Variants in KIFAP3 observed in about 807,000 individuals in gnomAD.
KIFAP3 encodes the protein kinesin associated protein 3.
A neutral mutation model predicts 106.5 loss-of-function variants in KIFAP3; 68 were observed. The observed-to-expected ratio is 0.64, with a 90% confidence interval of 0.53 to 0.78. KIFAP3 has a LOEUF of 0.78. Among genes scored for constraint, KIFAP3 ranks in the 30% least tolerant of loss-of-function variants. The pLI, the probability that KIFAP3 is intolerant of heterozygous loss-of-function variation, is 0.00. For synonymous variants in KIFAP3, 320 were observed against 311.5 expected, an observed-to-expected ratio of 1.03 and a Z score of -0.29; for missense variants, 780 against 941.8, an observed-to-expected ratio of 0.83 and a Z score of 2.25.
At chr1:169,922,438 G>A (rs1047377604) in intron 19 of KIFAP3, among the ~76,000 whole-genome samples, 10 of 151,996 alleles carry the variant, frequency 6.6e-5, no homozygotes, top group Non-Finnish European at 1.5e-4. Context: ...TACAAATTTT[G>A]GTTCAACTTA....
In KIFAP3 at chr1:170,012,251, T is replaced by C. The variant is rs1311681159; in HGVS notation, c.1183+4211A>G. ...AGGGGAAAAACAGAAAAATTGTATA[T>C]AAAAATGAAAAATACATGGCGTTCT... is the stretch of plus-strand genomic sequence containing the variant. On this transcript the variant is annotated intron_variant, in intron 10 of 19. Transcript: ENST00000361580. Among the ~76,000 whole-genome samples, 4 of 151,978 alleles carry C rather than the reference T, an allele frequency of 2.6e-5. No homozygotes were observed. In the East Asian group the frequency reaches 5.8e-4, roughly 22 times the overall value.
chr1:169,966,849 C>A (rs1665658844), intron 17 of KIFAP3, among the ~76,000 whole-genome samples: 1 of 151,632 alleles, frequency 6.6e-6, no homozygotes, highest in African/African-American at 2.4e-5. Flanking sequence ...CAACTGTTTA[C>A]CAAATAAAGC....
At chr1:170,084,189 C>T (rs1279630528) in intron 1 of KIFAP3, among the ~76,000 whole-genome samples, 1 of 152,176 alleles carries the variant, frequency 6.6e-6, no homozygotes, top group East Asian at 1.9e-4. Flanking sequence ...GTTAATACCA[C>T]AGTTTGTTCC....
intron 19 of KIFAP3, among the ~76,000 whole-genome samples, chr1:169,953,527 T>G (rs1324348374): frequency 6.6e-6 from 1 of 152,222 alleles, no homozygotes; most frequent in African/African-American, 2.4e-5. Context: ...ATCCCCATTT[T>G]TTTTTTGAGA....
intron 14 of KIFAP3, 55 bp downstream of exon 14, chr1:169,982,647 A>AT: frequency 8.1e-7 from 1 of 1,242,218 alleles, no homozygotes; most frequent in Non-Finnish European, 1.1e-6. Context: ...AGCCTTATCC[A>AT]TAACAGAAAG....
chr1:170,035,889 C>T (rs565737961), intron 5 of KIFAP3, among the ~76,000 whole-genome samples: 2 of 151,934 alleles, frequency 1.3e-5, no homozygotes, highest in South Asian at 2.1e-4. Flanking sequence ...AATCTTCCTA[C>T]TTCAGTACTG....
chr1:169,984,295 AC>A (rs1406046547), intron 12 of KIFAP3, among the ~76,000 whole-genome samples: 3 of 151,796 alleles, frequency 2.0e-5, no homozygotes, highest in Non-Finnish European at 4.4e-5. Flanking sequence ...ATTGTAATAG[AC>A]TGCTTTGCAA....
intron 9 of KIFAP3, among the ~76,000 whole-genome samples, chr1:170,018,135 A>G (rs181936683): frequency 2.6e-5 from 4 of 152,332 alleles, no homozygotes; most frequent in Admixed American, 6.5e-5. Flanking sequence ...ATATTTCATG[A>G]CCTACAATAA....
intron 10 of KIFAP3, among the ~76,000 whole-genome samples, chr1:170,001,271 T>A (rs1456062042): frequency 6.6e-6 from 1 of 152,160 alleles, no homozygotes; most frequent in Non-Finnish European, 1.5e-5. Context: ...CTTTCTAGCC[T>A]GTATGTCCAA....
In KIFAP3 at chr1:170,074,430, C is replaced by T. The variant is rs1313161758; in HGVS notation, c.32+6G>A. On this transcript the variant is annotated splice_donor_region_variant and intron_variant, in intron 1 of 19. Coordinates refer to ENST00000361580, the MANE Select transcript of KIFAP3 (RefSeq NM_014970.4). ...AGGGTAGGACAGAGCCTTGGGGAGTCGTCACCTTTTGAGGTATCTGGCGTC... is the reference window on the plus strand; with the variant it reads ...AGGGTAGGACAGAGCCTTGGGGAGTTGTCACCTTTTGAGGTATCTGGCGTC... 2 of 1,613,936 alleles carry T rather than the reference C, an allele frequency of 1.2e-6. No homozygotes were observed.
chr1:170,067,564 C>T (rs10919294), intron 1 of KIFAP3: 3,233 of 152,348 alleles, frequency 0.021, 101 homozygotes, highest in African/African-American at 0.072. Flanking sequence ...GCCCACGTTC[C>T]CACTGTTAAT....
intron 3 of KIFAP3, 78 bp downstream of exon 3, chr1:170,046,634 T>A (rs894305987): frequency 3.3e-6 from 4 of 1,205,584 alleles, no homozygotes; most frequent in Non-Finnish European, 4.4e-6. Flanking sequence ...TTGATAAACT[T>A]TTTTTTATAG....
rs146269608 is a variant in KIFAP3 at position 169,944,595 on chromosome 1, C to T, written c.2273+9416G>A. 1.1e-4 allele frequency among the ~76,000 whole-genome samples: 16 copies of T among 152,266 alleles called. No individual in the cohort carries two copies. In the East Asian group the frequency reaches 2.9e-3, roughly 28 times the overall value. On this transcript the variant is annotated intron_variant, in intron 19 of 19. Transcript: ENST00000361580. ...ATTCAGGTCCCAGGTTCTTGTTTCCCATCCAGGAAGAATGAGGTTAAGTGG... is the reference window on the plus strand; with the variant it reads ...ATTCAGGTCCCAGGTTCTTGTTTCCTATCCAGGAAGAATGAGGTTAAGTGG...
intron 10 of KIFAP3, among the ~76,000 whole-genome samples, chr1:170,015,707 G>T (rs1307638695): frequency 6.6e-6 from 1 of 152,112 alleles, no homozygotes; most frequent in Non-Finnish European, 1.5e-5. Context: ...TTTCAGTATG[G>T]TCATGGTGTA....
chr1:170,030,189 T>C (rs189932971), intron 8 of KIFAP3, among the ~76,000 whole-genome samples: 153 of 151,996 alleles, frequency 1.0e-3, no homozygotes, highest in Admixed American at 4.2e-3. Context: ...CTGCAAATCA[T>C]GTATCTGATA....
rs1335784035 is a variant in KIFAP3 at position 170,085,134 on chromosome 1, G to A, written n.75C>T. The A allele has an allele frequency of 2.0e-5, 3 of 152,098 alleles. No individual in the cohort carries two copies. In the East Asian group the frequency reaches 5.8e-4, roughly 29 times the overall value. The allele number at this position is 152,098 out of a possible 1,614,324, so 9.4% of individuals were successfully genotyped here. On this transcript the variant is annotated non_coding_transcript_exon_variant, in exon 1 of 6. Transcript: ENST00000490550. The stretch of plus-strand genomic sequence containing the variant: ...CATTATCCTGCCACCTTTCCAATTA[G>A]TTTGAGCTCATGTAGCACATCTTAA...
chr1:169,987,317 C>T lies in KIFAP3; in HGVS notation c.1285-2627G>A, dbSNP rs1385221109. On this transcript the variant is annotated intron_variant, in intron 11 of 19. Coordinates refer to ENST00000361580, the MANE Select transcript of KIFAP3 (RefSeq NM_014970.4). The stretch of plus-strand genomic sequence containing the variant: ...CGATGAAGAGGCAATAGTGTTCAAT[C>T]AGACAAGTCCCATATTGAGTATCAG... Among the ~76,000 whole-genome samples the T allele has an allele frequency of 3.9e-5, 6 of 152,016 alleles. No homozygotes were observed. In the East Asian group the frequency reaches 1.2e-3, roughly 29 times the overall value.
At chr1:170,043,700 T>G (rs1670097950) in intron 3 of KIFAP3, among the ~76,000 whole-genome samples, 1 of 151,906 alleles carries the variant, frequency 6.6e-6, no homozygotes, top group Non-Finnish European at 1.5e-5. Context: ...AGAAATATAA[T>G]GAATGAAGAA....
upstream of KIFAP3, among the ~76,000 whole-genome samples, chr1:170,076,761 A>C (rs1201662884): frequency 6.6e-6 from 1 of 152,252 alleles, no homozygotes; most frequent in Non-Finnish European, 1.5e-5. Context: ...GCACCAATAA[A>C]CAATGGATTC....
Sources: allele counts gnomAD v4.1 joint callset (sites outside exome capture counted in the v4.1 genomes callset), GRCh38; gene constraint gnomAD v4.1.1; transcripts MANE v1.5; gene names NCBI Gene and HGNC (gene_info 2026-07-23, HGNC 2026-07-21).